NKAIN2: variants seen among roughly 807,000 people sequenced by gnomAD.
NKAIN2 encodes the protein sodium/potassium-transporting ATPase subunit beta-1-interacting protein 2.
NKAIN2 carries 14 observed loss-of-function variants against 32.6 expected under a neutral mutation model. That is an observed-to-expected ratio of 0.43 (90% CI 0.28 to 0.67). The LOEUF is 0.67. NKAIN2 is among the 30% of genes least tolerant of loss of function. The pLI, the probability that NKAIN2 is intolerant of heterozygous loss-of-function variation, is 0.17. For synonymous variants in NKAIN2, 80 were observed against 87.2 expected, an observed-to-expected ratio of 0.92 and a Z score of 0.46; for missense variants, 198 against 258.3, an observed-to-expected ratio of 0.77 and a Z score of 1.60.
intron 1 of NKAIN2, among the ~76,000 whole-genome samples, chr6:123,987,069 C>T (rs946247327): frequency 3.9e-5 from 6 of 152,068 alleles, no homozygotes; most frequent in African/African-American, 9.7e-5. Context: ...TACCACATTA[C>T]GAAGTTGTGA....
chr6:124,651,827 T>G (rs1784378839), intron 3 of NKAIN2, among the ~76,000 whole-genome samples: 1 of 152,166 alleles, frequency 6.6e-6, no homozygotes, highest in South Asian at 2.1e-4. Flanking sequence ...CAGAATCATT[T>G]TCCATTATCT....
chr6:123,804,207 T>C lies in NKAIN2; in HGVS notation c.7T>C (p.Tyr3His), dbSNP rs1289774212. 1 of 1,613,834 alleles carries C rather than the reference T, an allele frequency of 6.2e-7. No individual in the cohort carries two copies. The highest frequency in any genetic ancestry group is 8.5e-7 in the Non-Finnish European group (1 of 1,179,888). ...GGCAGGGGTCTCGGAAACCATGGGT[T>C]ATTGCAGTGGCAGGTGCACGCTTAT... MGYCSGRCTLIFI... is the reference protein window; with the variant it reads MGHCSGRCTLIFI... The change falls in exon 1 of 7, where the codon TAT (tyrosine) becomes CAT (histidine). Residue 3 changes from tyrosine to histidine, a missense_variant. Transcript: ENST00000368417.
intron 1 of NKAIN2, among the ~76,000 whole-genome samples, chr6:123,893,418 G>T (rs923240840): frequency 1.3e-5 from 2 of 152,082 alleles, no homozygotes; most frequent in African/African-American, 4.8e-5. Context: ...CCTTGCCCAG[G>T]CTGGTCTAGA....
chr6:124,726,143 C>G lies in NKAIN2; in HGVS notation c.475-65196C>G, dbSNP rs181769901. Among the ~76,000 whole-genome samples the G allele has an allele frequency of 6.4e-3, 980 of 152,340 alleles. 9 individuals are homozygous for G. Among genetic ancestry groups the G allele is most frequent in the Non-Finnish European group, 0.011 (759 of 68,034 alleles). ...GCGAGCCTGGGGGAGGGGCGCCCACCATTGCCCAGGCTTGATTAGGTAAAC... is the reference window on the plus strand; with the variant it reads ...GCGAGCCTGGGGGAGGGGCGCCCACGATTGCCCAGGCTTGATTAGGTAAAC... On this transcript the variant is annotated intron_variant, in intron 4 of 6. Transcript: ENST00000368417.
intron 1 of NKAIN2, among the ~76,000 whole-genome samples, chr6:124,123,147 G>A (rs1785972385): frequency 6.6e-6 from 1 of 151,954 alleles, no homozygotes; most frequent in African/African-American, 2.4e-5. Flanking sequence ...CGAGGTACCT[G>A]GAAATTCACT....
At chr6:123,932,406 C>CTTTTTTTTTTTTTTT (rs57063550) in intron 1 of NKAIN2, among the ~76,000 whole-genome samples, 23 of 104,438 alleles carry the variant, frequency 2.2e-4, no homozygotes, top group African/African-American at 5.4e-4. Flanking sequence ...TTCTGTCTTT[C>CTTTTTTTTTTTTTTT]TTTTTTTTTT....
chr6:124,669,595 T>C (rs1772988315), intron 4 of NKAIN2, among the ~76,000 whole-genome samples: 1 of 152,080 alleles, frequency 6.6e-6, no homozygotes, highest in Non-Finnish European at 1.5e-5. Context: ...GGAACTCTAC[T>C]CAGGCCAGCA....
chr6:124,593,371 G>A (rs568412001), intron 3 of NKAIN2, among the ~76,000 whole-genome samples: 9 of 152,214 alleles, frequency 5.9e-5, no homozygotes, highest in South Asian at 2.1e-4. Flanking sequence ...TGGCTGGACC[G>A]CTATGCATAT....
chr6:124,122,574 C>T (rs1785933674), intron 1 of NKAIN2, among the ~76,000 whole-genome samples: 1 of 152,064 alleles, frequency 6.6e-6, no homozygotes, highest in Non-Finnish European at 1.5e-5. Flanking sequence ...ACCATGAGCT[C>T]AGGTGGTCCT....
At chr6:124,177,325 T>C (rs1263307250) in intron 1 of NKAIN2, among the ~76,000 whole-genome samples, 1 of 152,178 alleles carries the variant, frequency 6.6e-6, no homozygotes, top group African/African-American at 2.4e-5. Context: ...GATACTTGAG[T>C]ATGACATGGA....
Position 124,818,415 on chromosome 6 carries a change from T to C in NKAIN2, c.564T>C (p.Tyr188=), listed in dbSNP as rs778101170. The stretch of plus-strand genomic sequence containing the variant: ...ATTTCATAGGTGGCTTTGACTCTTA[T>C]GGCTATCAAGGGCCTCAGAAGACAT... ...SFDFIGGFDS[Y]GYQGPQKTSH... Residue 188 remains tyrosine, a synonymous_variant, in exon 6 of 7, where the codon TAT becomes TAC. Coordinates refer to ENST00000368417, the MANE Select transcript of NKAIN2 (RefSeq NM_001040214.3). 21 of 1,605,772 alleles carry C rather than the reference T, an allele frequency of 1.3e-5. No homozygotes were observed. The Admixed American group carries it at 2.2e-4, about 17-fold the overall frequency.
chr6:124,733,403 CAACTT>C (rs1401382556), intron 4 of NKAIN2, among the ~76,000 whole-genome samples: 2 of 151,854 alleles, frequency 1.3e-5, no homozygotes, highest in South Asian at 2.1e-4. Flanking sequence ...ATGTATGAAA[CAACTT>C]AACTAAAGAG....
At chr6:124,026,093 T>C (rs1582949942) in intron 1 of NKAIN2, among the ~76,000 whole-genome samples, 1 of 152,204 alleles carries the variant, frequency 6.6e-6, no homozygotes, top group East Asian at 1.9e-4. Context: ...CCCCTTATTG[T>C]CCAATCATGT....
intron 3 of NKAIN2, among the ~76,000 whole-genome samples, chr6:124,602,386 G>A (rs985397944): frequency 1.3e-5 from 2 of 151,764 alleles, no homozygotes; most frequent in African/African-American, 4.8e-5. Context: ...TTTTTTATTT[G>A]GAACAAGTAT....
chr6:124,808,060 G>A (rs1337224042), intron 5 of NKAIN2, among the ~76,000 whole-genome samples: 1 of 151,388 alleles, frequency 6.6e-6, no homozygotes, highest in Non-Finnish European at 1.5e-5. Context: ...GAGGTACAAG[G>A]AGGAACTGGT....
intron 1 of NKAIN2, among the ~76,000 whole-genome samples, chr6:124,119,247 A>G (rs912785411): frequency 2.0e-5 from 3 of 152,172 alleles, no homozygotes; most frequent in Non-Finnish European, 4.4e-5. Flanking sequence ...AGTGTAATTA[A>G]TCGGGGAACA....
intron 1 of NKAIN2, among the ~76,000 whole-genome samples, chr6:123,977,512 C>G (rs1293218023): frequency 6.6e-6 from 1 of 152,070 alleles, no homozygotes; most frequent in Non-Finnish European, 1.5e-5. Context: ...AAATGATTCT[C>G]TTTGTTGAGA....
At chr6:124,236,965 A>G (rs1482814643) in intron 1 of NKAIN2, among the ~76,000 whole-genome samples, 1 of 152,206 alleles carries the variant, frequency 6.6e-6, no homozygotes, top group Non-Finnish European at 1.5e-5. Flanking sequence ...CATATAAAAT[A>G]TTGCACACAT....
At chr6:124,327,942 A>G (rs560059493) in intron 2 of NKAIN2, among the ~76,000 whole-genome samples, 1 of 152,192 alleles carries the variant, frequency 6.6e-6, no homozygotes, top group Admixed American at 6.5e-5. Flanking sequence ...TAAAGAGGCT[A>G]GTCACATTCA....
Sources: gnomAD v4.1 joint callset for allele counts (sites outside exome capture counted in the v4.1 genomes callset) on GRCh38, gnomAD v4.1.1 for gene constraint, MANE v1.5 for transcripts, NCBI Gene and HGNC (gene_info 2026-07-23, HGNC 2026-07-21) for gene names.